Variants in NFRKB observed in about 807,000 individuals in gnomAD.
NFRKB encodes the protein nuclear factor related to kappaB binding protein, also known as nuclear factor related to kappa-B-binding protein.
NFRKB carries 62 observed loss-of-function variants against 135.7 expected under a neutral mutation model. The ratio of observed to expected loss-of-function variants is 0.46; its 90% CI spans 0.37 to 0.56. The LOEUF is 0.56. NFRKB is among the 20% of genes least tolerant of loss of function. The probability of loss-of-function intolerance (pLI) is 0.00; values close to 1 mark genes in which losing one functional copy is unlikely to be tolerated. For synonymous variants in NFRKB, 678 were observed against 635.6 expected (o/e 1.07, Z -1.00); for missense variants, 1,545 against 1,662.0 (o/e 0.93, Z 1.22).
chr11:129,874,610 G>C lies in NFRKB; in HGVS notation c.1979-30C>G. 6.2e-7 allele frequency: 1 copy of C among 1,611,608 alleles called. No individual in the cohort carries two copies. The highest frequency in any genetic ancestry group is 1.1e-5 in the South Asian group (1 of 90,678). ...GAACAAGAGGGGCAAGCTTCAGCCAGAGTTTAACCTTAGCAAACTAAAAAG... is the reference window on the plus strand; with the variant it reads ...GAACAAGAGGGGCAAGCTTCAGCCACAGTTTAACCTTAGCAAACTAAAAAG... On this transcript the variant is annotated intron_variant, in intron 19 of 26. Transcript: ENST00000682444. The surrounding 1 kb of genome is among the most constrained non-coding windows in gnomAD (Gnocchi z 4.5).
At chr11:129,877,634 T>A (rs1565405464) in intron 15 of NFRKB, among the ~76,000 whole-genome samples, 2 of 152,192 alleles carry the variant, frequency 1.3e-5, no homozygotes, top group Admixed American at 6.5e-5. Context: ...GCTGACATCT[T>A]TAACTACTGC....
At position 129,871,093 on chromosome 11, in the gene NFRKB, A is replaced by T. The variant is rs117418412; in HGVS notation, c.2764-832T>A. ...TCAAGTCCCTTACACAAAATGCACT[A>T]TCTCCATAAAAGCAACAAACATCCT... is the stretch of plus-strand genomic sequence containing the variant. On this transcript the variant is annotated intron_variant, in intron 23 of 26. Transcript: ENST00000682444. 9.0e-4 allele frequency among the ~76,000 whole-genome samples: 137 copies of T among 152,328 alleles called. 4 individuals are homozygous for T. In the East Asian group the frequency reaches 0.022, roughly 24 times the overall value.
rs753803858 is a variant in NFRKB at position 129,874,767 on chromosome 11, G to A, written c.1978+26C>T. ...GTCAGAACGTATCCCCAGTCTGGTCGGACAGTGCCCAGAGGCCTCACACAC... is the reference window on the plus strand; with the variant it reads ...GTCAGAACGTATCCCCAGTCTGGTCAGACAGTGCCCAGAGGCCTCACACAC... On this transcript the variant is annotated intron_variant, in intron 19 of 26. Coordinates refer to ENST00000682444, the MANE Select transcript of NFRKB (RefSeq NM_001143835.2). The surrounding 1 kb of genome is among the most constrained non-coding windows in gnomAD (Gnocchi z 4.5). 21 of 1,613,966 alleles carry A rather than the reference G, an allele frequency of 1.3e-5. No individual in the cohort carries two copies. The highest frequency in any genetic ancestry group is 6.7e-5 in the East Asian group (3 of 44,894).
chr11:129,868,957 T>C (rs924556610), intron 24 of NFRKB, among the ~76,000 whole-genome samples: 18 of 151,876 alleles, frequency 1.2e-4, no homozygotes, highest in African/African-American at 3.9e-4. Flanking sequence ...GAGGCGGAGG[T>C]TGCAGTGAGC....
In NFRKB at chr11:129,865,968, G is replaced by A; in HGVS notation, c.3547C>T (p.Arg1183Trp). The change falls in exon 25 of 27, where the codon CGG becomes TGG. Residue 1183 changes from arginine (R) to tryptophan (W), a missense_variant. Physicochemically the swap from Arg to Trp is moderately radical, Grantham distance 101 (BLOSUM62 -3). Transcript: ENST00000682444. ...ATCACAGAGAGGGGAACTGTGATCC[G>A]TGTAGGCAACTTCCCCTAGAAAAAA... ...STSQAGKLPTRITVPLSVISQ... is the reference protein window; with the variant it reads ...STSQAGKLPTWITVPLSVISQ... 1.9e-6 allele frequency: 3 copies of A among 1,594,630 alleles called. No individual in the cohort carries two copies. Among genetic ancestry groups the A allele is most frequent in the Non-Finnish European group, 2.6e-6 (3 of 1,171,336 alleles).
chr11:129,873,196 A>C, intron 22 of NFRKB, 100 bp from the exon 23 acceptor site: 9 of 1,046,868 alleles, frequency 8.6e-6, no homozygotes, highest in Non-Finnish European at 1.2e-5. Context: ...CATTGCTCTC[A>C]AAGAGCTTCT....
intron 24 of NFRKB, among the ~76,000 whole-genome samples, chr11:129,866,432 T>C (rs961515744): frequency 1.3e-5 from 2 of 151,846 alleles, no homozygotes; most frequent in African/African-American, 4.8e-5. Flanking sequence ...CAAGAGTTAA[T>C]ACCTAAAGCG....
intron 7 of NFRKB, 31 bp from the exon 8 acceptor site, chr11:129,884,174 T>C (rs2135666422): frequency 1.3e-6 from 2 of 1,597,604 alleles, no homozygotes; most frequent in South Asian, 1.1e-5. Context: ...ATATTCACTA[T>C]CATGATTCTC....
At chr11:129,882,265 A>G (rs1007840306) in intron 10 of NFRKB, 71 bp from the exon 11 acceptor site, 2 of 1,413,698 alleles carry the variant, frequency 1.4e-6, no homozygotes, top group African/African-American at 1.4e-5. Context: ...CAGGCGCCCA[A>G]GCCTCCTAGC....
intron 8 of NFRKB, 83 bp downstream of exon 8, chr11:129,883,987 T>C: frequency 7.3e-7 from 1 of 1,373,536 alleles, no homozygotes; most frequent in Non-Finnish European, 1.0e-6. Context: ...GACGAGGCAG[T>C]GATGCCCCGT....
chr11:129,873,142 C>T, intron 22 of NFRKB, 46 bp from the exon 23 acceptor site: 1 of 1,475,048 alleles, frequency 6.8e-7, no homozygotes. Context: ...CTCTAAGATG[C>T]AGACCAGCAC....
Position 129,864,849 on chromosome 11 carries a change from A to G in NFRKB, c.3776T>C (p.Val1259Ala). The change falls in exon 27 of 27, where the codon GTG (valine) becomes GCG (alanine). Residue 1259 changes from valine to alanine, a missense_variant and splice_region_variant. Around this residue, in one of 3 missense-constraint regions of NFRKB, gnomAD observed 753 missense variants for 804.3 expected, o/e 0.94. Transcript: ENST00000682444. ...GGATGCAGGGACAGTCTGGATGCGC[A>G]CCTGTTTGCAAAGACAGAAGGTCAG... ...QLQQQGQATQ[V>A]RIQTVPASHL... is the part of the protein sequence containing the mutation. 1 of 1,614,178 alleles carries G rather than the reference A, an allele frequency of 6.2e-7. No individual in the cohort carries two copies. Among genetic ancestry groups the G allele is most frequent in the Non-Finnish European group, 8.5e-7 (1 of 1,180,038 alleles).
chr11:129,888,913 T>G lies in NFRKB; in HGVS notation c.136-118A>C. Reference sequence around the variant, plus strand: ...ATTTACCAATTTAACCATTTTTAAGTGTAGACTTCAGTGGCCTTAAGTGCA... The same window carrying G: ...ATTTACCAATTTAACCATTTTTAAGGGTAGACTTCAGTGGCCTTAAGTGCA... On this transcript the variant is annotated intron_variant, in intron 3 of 26. Transcript: ENST00000682444. 4 of 731,468 alleles carry G rather than the reference T, an allele frequency of 5.5e-6. No homozygotes were observed. In the South Asian group the frequency reaches 5.9e-5, roughly 11 times the overall value. 45.3% of individuals were successfully genotyped at this position (731,468 alleles called of 1,614,324 possible).
At chr11:129,884,878 C>A in intron 6 of NFRKB, 32 bp from the exon 7 acceptor site, 3 of 1,613,950 alleles carry the variant, frequency 1.9e-6, no homozygotes, top group African/African-American at 2.7e-5. Context: ...GTAAATCCAA[C>A]GTGGCTGTGG....
Position 129,869,487 on chromosome 11 carries a change from T to C in NFRKB, c.3531+7A>G, listed in dbSNP as rs188568451. Reference sequence around the variant, plus strand: ...AGAAGGCCTAAGCTTTACCACTAGTTACTCACAGCCTGGGACGTGGACACA... The same window carrying C: ...AGAAGGCCTAAGCTTTACCACTAGTCACTCACAGCCTGGGACGTGGACACA... On this transcript the variant is annotated splice_region_variant and intron_variant, in intron 24 of 26. Transcript: ENST00000682444. 2.5e-5 allele frequency: 40 copies of C among 1,597,772 alleles called. No homozygotes were observed. The East Asian group carries it at 8.7e-4, about 35-fold the overall frequency.
intron 13 of NFRKB, among the ~76,000 whole-genome samples, chr11:129,881,133 T>G (rs1174528975): frequency 6.6e-6 from 1 of 152,230 alleles, no homozygotes; most frequent in Non-Finnish European, 1.5e-5. Context: ...TCCAAAGTCA[T>G]CTGTATGATT....
In NFRKB at chr11:129,874,296, C is replaced by G. The variant is rs759080631; in HGVS notation, c.2096G>C (p.Ser699Thr). The change falls in exon 21 of 27, where the codon AGC (serine) becomes ACC (threonine). Residue 699 changes from serine (S) to threonine (T), a missense_variant. By Grantham distance (58) the Ser-to-Thr change is moderately conservative. Transcript: ENST00000682444. The surrounding 1 kb of genome is among the most constrained non-coding windows in gnomAD (Gnocchi z 4.5). ...CTGGCTCTGCTCAGAAGGGCCACTG[C>G]TAAGGACCTTTATGGAGCTCTCCTT... is the stretch of plus-strand genomic sequence containing the variant. Reference protein sequence around the residue: ...SSKESSIKVLSSGPSEQSQMS... With the variant: ...SSKESSIKVLTSGPSEQSQMS... 5 of 1,517,486 alleles carry G rather than the reference C, an allele frequency of 3.3e-6. No individual in the cohort carries two copies. Among genetic ancestry groups the G allele is most frequent in the Non-Finnish European group, 3.5e-6 (4 of 1,135,288 alleles). The allele number at this position is 1,517,486 out of a possible 1,614,324, so 94.0% of individuals were successfully genotyped here.
chr11:129,877,572 C>G (rs1177995998), intron 15 of NFRKB, among the ~76,000 whole-genome samples, 187 bp from the exon 16 acceptor site: 2 of 152,186 alleles, frequency 1.3e-5, no homozygotes, highest in African/African-American at 4.8e-5. Flanking sequence ...ATTCCAAAAT[C>G]ACTTGATTCT....
chr11:129,864,395 C>T lies in NFRKB; in HGVS notation c.*330G>A. On this transcript the variant is annotated 3_prime_UTR_variant, in exon 27 of 27. Coordinates refer to ENST00000682444, the MANE Select transcript of NFRKB (RefSeq NM_001143835.2). Reference sequence around the variant, plus strand: ...GGAGAACCAGCCTATTCGCTGTGTGCACTCTGCAACTGGTAAGCCTTCCCT... The same window carrying T: ...GGAGAACCAGCCTATTCGCTGTGTGTACTCTGCAACTGGTAAGCCTTCCCT... The T allele has an allele frequency of 7.0e-6, 2 of 285,340 alleles. No individual in the cohort carries two copies. The highest frequency in any genetic ancestry group is 6.8e-6 in the Non-Finnish European group (1 of 147,402). The allele number at this position is 285,340 out of a possible 1,614,324, so 17.7% of individuals were successfully genotyped here. A position where few individuals can be genotyped will look rare whatever the true frequency, so the allele number is the denominator to read the frequency against.
Sources: allele counts gnomAD v4.1 joint callset (sites outside exome capture counted in the v4.1 genomes callset), GRCh38; gene constraint gnomAD v4.1.1; regional missense constraint gnomAD v4.1.1; non-coding constraint Gnocchi (gnomAD v3.1); transcripts MANE v1.5; gene names NCBI Gene and HGNC (gene_info 2026-07-23, HGNC 2026-07-21).